Variants in ZMIZ1 observed in about 807,000 individuals in gnomAD.
ZMIZ1 encodes zinc finger MIZ domain-containing protein 1.
ZMIZ1 carries 17 observed loss-of-function variants against 113.9 expected under a neutral mutation model. The observed-to-expected ratio is 0.15, with a 90% CI of 0.10 to 0.22. The LOEUF is 0.22. Ranked by LOEUF, ZMIZ1 falls within the 10% of genes least tolerant of loss-of-function variation. The pLI, the probability that ZMIZ1 is intolerant of heterozygous loss-of-function variation, is 1.00. For synonymous variants in ZMIZ1, 607 were observed against 603.1 expected (o/e 1.01, Z -0.09); for missense variants, 1,059 against 1,477.8 (o/e 0.72, Z 4.65).
chr10:79,131,454 C>T (rs1844765712), intron 2 of ZMIZ1, among the ~76,000 whole-genome samples: 1 of 152,120 alleles, frequency 6.6e-6, no homozygotes, highest in African/African-American at 2.4e-5. Context: ...CGGTCCCTTC[C>T]CCACCCCCAC....
chr10:79,273,987 G>A (rs1162438965), intron 7 of ZMIZ1, among the ~76,000 whole-genome samples: 2 of 152,232 alleles, frequency 1.3e-5, no homozygotes, highest in East Asian at 1.9e-4. Flanking sequence ...TTTTATGAAG[G>A]GGGAAAGGGA....
chr10:79,086,960 T>C (rs1842834079), intron 1 of ZMIZ1, among the ~76,000 whole-genome samples: 1 of 152,246 alleles, frequency 6.6e-6, no homozygotes, highest in South Asian at 2.1e-4. Context: ...CTCCTTTTAT[T>C]TGAATTTCTC....
rs187945146 is a variant in ZMIZ1 at position 79,131,445 on chromosome 10, G to A, written c.-226-8237G>A. Among the ~76,000 whole-genome samples, 106 of 152,062 alleles carry A rather than the reference G, an allele frequency of 7.0e-4. 1 individual carries two copies. The highest frequency in any genetic ancestry group is 2.9e-3 in the Admixed American group (44 of 15,284). ...CTGTCGTGCCTGTTTTGTTTGCCTC[G>A]GTCCCTTCCCCACCCCCACAGTTCT... On this transcript the variant is annotated intron_variant, in intron 2 of 24. Transcript: ENST00000334512.
At chr10:79,129,209 G>C (rs898781637) in intron 2 of ZMIZ1, among the ~76,000 whole-genome samples, 4 of 152,204 alleles carry the variant, frequency 2.6e-5, no homozygotes, top group Non-Finnish European at 5.9e-5. Context: ...TAAGCTCTGA[G>C]TTCCAGATGA....
intron 4 of ZMIZ1, among the ~76,000 whole-genome samples, chr10:79,201,250 A>G (rs1252668337): frequency 6.6e-6 from 1 of 152,106 alleles, no homozygotes; most frequent in Non-Finnish European, 1.5e-5. Context: ...AGAGGTTGCA[A>G]TGAGCCGAGA....
chr10:79,292,879 C>T (rs1247576379), intron 11 of ZMIZ1: 1 of 463,312 alleles, frequency 2.2e-6, no homozygotes, highest in African/African-American at 2.0e-5. Flanking sequence ...GAGGTGGGAA[C>T]TGCAGGGCAG....
intron 7 of ZMIZ1, among the ~76,000 whole-genome samples, chr10:79,268,261 G>C (rs192267451): frequency 1.1e-3 from 162 of 152,358 alleles, no homozygotes; most frequent in African/African-American, 3.8e-3. Flanking sequence ...TGTTCCCCGT[G>C]ACTGGGGTGG....
intron 6 of ZMIZ1, among the ~76,000 whole-genome samples, chr10:79,210,437 GA>G (rs1220481402): frequency 6.6e-6 from 1 of 152,236 alleles, no homozygotes; most frequent in Non-Finnish European, 1.5e-5. Flanking sequence ...CTGCCAGGGG[GA>G]GCCTGACATT....
chr10:79,099,833 A>C (rs1843299698), intron 1 of ZMIZ1, among the ~76,000 whole-genome samples: 1 of 152,138 alleles, frequency 6.6e-6, no homozygotes, highest in Admixed American at 6.5e-5. Context: ...TTGAAAAAGC[A>C]GGTAGGTCTT....
At chr10:79,199,291 A>C (rs771824445) in intron 4 of ZMIZ1, among the ~76,000 whole-genome samples, 2 of 152,264 alleles carry the variant, frequency 1.3e-5, no homozygotes, top group East Asian at 3.9e-4. Flanking sequence ...GGGAATCACG[A>C]GATCAGGAGA....
rs917514743 is a variant in ZMIZ1, at chr10:79,296,303, C to T, written c.1231-168C>T. Reference sequence around the variant, plus strand: ...ATCTGGACAGGCAGAACAAAATGCCCCTGGATGTCAGGACGAGAAGGGGCC... The same window carrying T: ...ATCTGGACAGGCAGAACAAAATGCCTCTGGATGTCAGGACGAGAAGGGGCC... On this transcript the variant is annotated intron_variant, in intron 12 of 24. Coordinates refer to ENST00000334512, the MANE Select transcript of ZMIZ1 (RefSeq NM_020338.4). This position sits in a 1 kb window ranked among gnomAD's most constrained non-coding sequence, Gnocchi z 4.1. 300 of 752,000 alleles carry T rather than the reference C, an allele frequency of 4.0e-4. 2 individuals are homozygous for T. Among genetic ancestry groups the T allele is most frequent in the Admixed American group, 6.5e-4 (26 of 40,234 alleles). The allele number at this position is 752,000 out of a possible 1,614,324, so 46.6% of individuals were successfully genotyped here.
At chr10:79,109,930 C>G (rs1225140333) in intron 1 of ZMIZ1, among the ~76,000 whole-genome samples, 1 of 152,246 alleles carries the variant, frequency 6.6e-6, no homozygotes, top group African/African-American at 2.4e-5. Context: ...CAATAATGAC[C>G]CTCACCAGTG....
chr10:79,307,933 C>A (rs1342997661), intron 23 of ZMIZ1, among the ~76,000 whole-genome samples: 1 of 152,202 alleles, frequency 6.6e-6, no homozygotes, highest in Non-Finnish European at 1.5e-5. Context: ...ACGGTTCCAG[C>A]CACCTCAACT....
chr10:79,271,733 A>T (rs186111797), intron 7 of ZMIZ1, among the ~76,000 whole-genome samples: 2 of 152,332 alleles, frequency 1.3e-5, no homozygotes, highest in East Asian at 3.9e-4. Flanking sequence ...GATGAGCCTT[A>T]AAGAAGTGCA....
chr10:79,298,963 A>G, intron 15 of ZMIZ1, 87 bp from the exon 16 acceptor site: 1 of 1,498,434 alleles, frequency 6.7e-7, no homozygotes. Context: ...CTGAGCATGC[A>G]GCCCAGGGTG....
chr10:79,222,414 G>A (rs183855210), intron 7 of ZMIZ1, among the ~76,000 whole-genome samples: 58 of 152,230 alleles, frequency 3.8e-4, no homozygotes, highest in Non-Finnish European at 7.5e-4. Flanking sequence ...CCAGCCCTGT[G>A]GACATGAGTG....
chr10:79,130,368 C>A (rs1220395606), intron 2 of ZMIZ1, among the ~76,000 whole-genome samples: 1 of 152,258 alleles, frequency 6.6e-6, no homozygotes, highest in Non-Finnish European at 1.5e-5. Context: ...TCTGGGGACA[C>A]CCTGAGTGCC....
chr10:79,169,579 C>T (rs1394314067), intron 4 of ZMIZ1, among the ~76,000 whole-genome samples: 1 of 152,248 alleles, frequency 6.6e-6, no homozygotes, highest in Non-Finnish European at 1.5e-5. Flanking sequence ...CAGACACCTC[C>T]ATTGCTGGAG....
chr10:79,288,072 G>T (rs1317642167), intron 8 of ZMIZ1, among the ~76,000 whole-genome samples: 1 of 152,192 alleles, frequency 6.6e-6, no homozygotes, highest in Non-Finnish European at 1.5e-5. Context: ...GAGAAATCTA[G>T]GGCAGAGGGT....
Sources: allele counts gnomAD v4.1 joint callset (sites outside exome capture counted in the v4.1 genomes callset), GRCh38; gene constraint gnomAD v4.1.1; non-coding constraint Gnocchi (gnomAD v3.1); transcripts MANE v1.5; gene names NCBI Gene and HGNC (gene_info 2026-07-23, HGNC 2026-07-21).